SNX4: variants seen among roughly 807,000 people sequenced by gnomAD.
SNX4 encodes the protein sorting nexin 4, also known as sorting nexin-4.
A neutral mutation model predicts 70.8 loss-of-function variants in SNX4; 49 were observed. The ratio of observed to expected loss-of-function variants is 0.69; its 90% CI spans 0.55 to 0.88. The LOEUF (loss-of-function observed/expected upper bound fraction) is 0.88, where lower values mean the gene tolerates loss of function less well. Ranked by LOEUF, SNX4 falls within the 40% of genes least tolerant of loss-of-function variation. SNX4 has a pLI of 0.00. For missense variants in SNX4, 528 were observed against 544.8 expected (o/e 0.97, Z 0.31); for synonymous variants, 206 against 183.8 (o/e 1.12, Z -0.98).
rs558244957 is a variant in SNX4, at chr3:125,517,359, C to T, written c.141+2673G>A. Among the ~76,000 whole-genome samples the T allele has an allele frequency of 2.6e-5, 4 of 152,268 alleles. No individual in the cohort carries two copies. In the East Asian group the frequency reaches 7.7e-4, roughly 29 times the overall value. ...GGGAATTAAATGAAAAGTAGAGCCC[C>T]ACTGTGCACAGCACACGCAAAACTA... On this transcript the variant is annotated intron_variant, in intron 1 of 13. Transcript: ENST00000251775.
intron 1 of SNX4, among the ~76,000 whole-genome samples, chr3:125,511,481 G>A (rs1040694353): frequency 1.3e-5 from 2 of 152,100 alleles, no homozygotes; most frequent in Admixed American, 1.3e-4. Flanking sequence ...GTTTTAAGAA[G>A]AGCAGACTCC....
intron 9 of SNX4, among the ~76,000 whole-genome samples, chr3:125,465,692 G>C (rs1319811322): frequency 6.6e-6 from 1 of 151,880 alleles, no homozygotes; most frequent in Non-Finnish European, 1.5e-5. Flanking sequence ...ACCTAGGCTG[G>C]AGTGCAGTGG....
At chr3:125,471,968 A>C (rs796538120) in intron 8 of SNX4, among the ~76,000 whole-genome samples, 4 of 152,324 alleles carry the variant, frequency 2.6e-5, no homozygotes, top group African/African-American at 9.6e-5. Context: ...ACAAACAAAT[A>C]AAACAAACAT....
intron 1 of SNX4, among the ~76,000 whole-genome samples, chr3:125,507,200 A>C (rs1250805199): frequency 6.6e-6 from 1 of 150,996 alleles, no homozygotes; most frequent in East Asian, 1.9e-4. Flanking sequence ...AGAAAAAAAA[A>C]AAAAAAAAAA....
intron 8 of SNX4, among the ~76,000 whole-genome samples, chr3:125,476,265 C>CAA (rs749425097): frequency 6.5e-3 from 295 of 45,624 alleles, no homozygotes; most frequent in African/African-American, 8.6e-3. Context: ...GACTCCATCT[C>CAA]AAAAAAAAAA....
At chr3:125,468,036 A>G (rs1477587421) in intron 9 of SNX4, among the ~76,000 whole-genome samples, 1 of 152,248 alleles carries the variant, frequency 6.6e-6, no homozygotes, top group Non-Finnish European at 1.5e-5. Flanking sequence ...TGGTACATGT[A>G]TACCATGGAA....
chr3:125,504,446 T>C (rs1580006754), intron 2 of SNX4, among the ~76,000 whole-genome samples, 177 bp downstream of exon 2: 1 of 151,024 alleles, frequency 6.6e-6, no homozygotes, highest in East Asian at 1.9e-4. Flanking sequence ...ACTACACCAC[T>C]GCACTCCAGC....
chr3:125,490,541 A>G (rs898533887), intron 5 of SNX4, among the ~76,000 whole-genome samples: 3 of 151,432 alleles, frequency 2.0e-5, no homozygotes, highest in Non-Finnish European at 2.9e-5. Context: ...AAAAAAAAAA[A>G]AAAAGAAATA....
chr3:125,457,572 C>CTT (rs1005344428), intron 10 of SNX4, among the ~76,000 whole-genome samples: 1,277 of 110,314 alleles, frequency 0.012, 45 homozygotes, highest in African/African-American at 0.032. Flanking sequence ...TTCATATATT[C>CTT]TTTTTTTTTT....
In SNX4 at chr3:125,497,389, C is replaced by T; in HGVS notation, c.550-1G>A. 1 of 1,589,846 alleles carries T rather than the reference C, an allele frequency of 6.3e-7. No homozygotes were observed. Among genetic ancestry groups the T allele is most frequent in the Non-Finnish European group, 8.6e-7 (1 of 1,159,674 alleles). Reference sequence around the variant, plus strand: ...TCACAGTCTCCTTCCAGTTACCTTCCTAAAAATTGAAGTTAATTTTAGAAA... The same window carrying T: ...TCACAGTCTCCTTCCAGTTACCTTCTTAAAAATTGAAGTTAATTTTAGAAA... On this transcript the variant is annotated splice_acceptor_variant, in intron 4 of 13. Transcript: ENST00000251775. LOFTEE classifies it high-confidence loss of function.
chr3:125,502,296 A>G (rs114093376), intron 2 of SNX4, among the ~76,000 whole-genome samples: 2,131 of 152,246 alleles, frequency 0.014, 40 homozygotes, highest in African/African-American at 0.047. Context: ...TTTGAAAAGA[A>G]CCACATTACC....
intron 1 of SNX4, among the ~76,000 whole-genome samples, chr3:125,509,466 A>T (rs1250711025): frequency 1.3e-5 from 2 of 151,940 alleles, no homozygotes; most frequent in African/African-American, 2.4e-5. Flanking sequence ...ATACAACCCA[A>T]TTGGGCTGGG....
At chr3:125,511,379 T>C (rs1173032357) in intron 1 of SNX4, among the ~76,000 whole-genome samples, 1 of 152,252 alleles carries the variant, frequency 6.6e-6, no homozygotes, top group Non-Finnish European at 1.5e-5. Context: ...ATAATTTTTT[T>C]TTTTTAACAA....
intron 6 of SNX4, among the ~76,000 whole-genome samples, chr3:125,486,710 T>A (rs1934541763): frequency 6.6e-6 from 1 of 152,136 alleles, no homozygotes; most frequent in Non-Finnish European, 1.5e-5. Context: ...TTTGCAACAA[T>A]ATAAGATGCT....
intron 2 of SNX4, 62 bp from the exon 3 acceptor site, chr3:125,498,256 C>T (rs1386374304): frequency 7.3e-7 from 1 of 1,374,066 alleles, no homozygotes; most frequent in Non-Finnish European, 1.0e-6. Flanking sequence ...CACATAAATA[C>T]AATCACCTTT....
At chr3:125,470,454 A>G (rs1934136935) in intron 8 of SNX4, among the ~76,000 whole-genome samples, 1 of 151,540 alleles carries the variant, frequency 6.6e-6, no homozygotes, top group South Asian at 2.1e-4. Flanking sequence ...TACTCTTAGT[A>G]TAGATGAAAA....
At chr3:125,495,353 G>A (rs575338776) in intron 5 of SNX4, among the ~76,000 whole-genome samples, 1 of 147,348 alleles carries the variant, frequency 6.8e-6, no homozygotes, top group East Asian at 2.0e-4. Context: ...TGTATATGAG[G>A]CTATGCAAAA....
intron 13 of SNX4, among the ~76,000 whole-genome samples, chr3:125,448,698 CAG>C (rs1257226802): frequency 3.0e-5 from 3 of 99,448 alleles, no homozygotes; most frequent in Admixed American, 1.5e-4. Context: ...TTTTTTGAGA[CAG>C]AGTCTTGCTC....
chr3:125,466,690 G>A (rs1934028436), intron 9 of SNX4, among the ~76,000 whole-genome samples: 1 of 152,190 alleles, frequency 6.6e-6, no homozygotes, highest in African/African-American at 2.4e-5. Context: ...CTTTTGGGAG[G>A]TTGAGGCAGG....
Sources: gnomAD v4.1 joint callset for allele counts (sites outside exome capture counted in the v4.1 genomes callset) on GRCh38, gnomAD v4.1.1 for gene constraint, MANE v1.5 for transcripts, NCBI Gene and HGNC (gene_info 2026-07-23, HGNC 2026-07-21) for gene names.